The following MAPK10 variants were observed in gnomAD, a reference collection of about 807,000 sequenced individuals.
MAPK10 encodes the protein mitogen-activated protein kinase 10, also known as JNK3 alpha protein kinase.
A neutral mutation model predicts 59.3 loss-of-function variants in MAPK10; 25 were observed. The observed-to-expected ratio is 0.42, with a 90% CI of 0.31 to 0.59. The LOEUF (loss-of-function observed/expected upper bound fraction) is 0.59. Among genes scored for constraint, MAPK10 ranks in the 20% least tolerant of loss-of-function variants. MAPK10 has a pLI of 0.15. For missense variants in MAPK10, 351 were observed against 568.9 expected, an observed-to-expected ratio of 0.62 and a Z score of 3.90; for synonymous variants, 190 against 200.5, an observed-to-expected ratio of 0.95 and a Z score of 0.44.
chr4:86,076,259 C>T (rs987372588), intron 9 of MAPK10, among the ~76,000 whole-genome samples: 4 of 152,134 alleles, frequency 2.6e-5, no homozygotes, highest in African/African-American at 4.8e-5. Flanking sequence ...GGCTCGCGCA[C>T]GGTGCGCGCA....
intron 2 of MAPK10, among the ~76,000 whole-genome samples, chr4:86,302,466 T>A (rs1026134452): frequency 6.6e-6 from 1 of 152,180 alleles, no homozygotes; most frequent in Non-Finnish European, 1.5e-5. Context: ...TGAAGTCAAC[T>A]GGCGAAGCGA....
At chr4:86,448,587 T>C (rs1750329325) in intron 1 of MAPK10, among the ~76,000 whole-genome samples, 1 of 152,102 alleles carries the variant, frequency 6.6e-6, no homozygotes, top group Non-Finnish European at 1.5e-5. Flanking sequence ...TCCTAGGTAT[T>C]TCATGTTTTA....
chr4:86,464,444 A>G (rs1564909093), intron 1 of MAPK10, among the ~76,000 whole-genome samples: 1 of 152,230 alleles, frequency 6.6e-6, no homozygotes, highest in Non-Finnish European at 1.5e-5. Context: ...CACACAATTA[A>G]TTGAAAATGC....
chr4:86,314,313 C>T (rs182726572), intron 2 of MAPK10, among the ~76,000 whole-genome samples: 20 of 152,212 alleles, frequency 1.3e-4, no homozygotes, highest in Non-Finnish European at 8.8e-5. Flanking sequence ...GAATTATACA[C>T]CCATAATTCC....
chr4:86,550,345 T>C (rs1377670652), intron 1 of MAPK10, among the ~76,000 whole-genome samples: 1 of 124,468 alleles, frequency 8.0e-6, no homozygotes, highest in African/African-American at 3.3e-5. Flanking sequence ...AGCATTATAT[T>C]AATCAGAAGG....
chr4:86,191,553 C>CTTTTTTTTT lies in MAPK10; in HGVS notation c.66+2774_66+2782dup, dbSNP rs35357476. The CTTTTTTTTT allele has an allele frequency of 9.2e-4, 28 of 30,404 alleles. 1 individual carries two copies. Among genetic ancestry groups the CTTTTTTTTT allele is most frequent in the East Asian group, 3.0e-3 (1 of 330 alleles). 1.9% of individuals were successfully genotyped at this position (30,404 alleles called of 1,614,324 possible). A position where few individuals can be genotyped will look rare whatever the true frequency, so the allele number is the denominator to read the frequency against. ...TCAGAGACTAGGATTACAACCCGTG[C>CTTTTTTTTT]TTTTTTTTTTTTTTTTTTTTTTTTT... On this transcript the variant is annotated intron_variant, in intron 3 of 13. Transcript: ENST00000641462.
chr4:86,036,489 C>T (rs1578924094), intron 11 of MAPK10, among the ~76,000 whole-genome samples: 1 of 151,010 alleles, frequency 6.6e-6, no homozygotes, highest in East Asian at 1.9e-4. Context: ...TCTGAGAAAC[C>T]ACCATATGTT....
intron 2 of MAPK10, among the ~76,000 whole-genome samples, chr4:86,259,889 T>A (rs2093916877): frequency 1.3e-5 from 2 of 152,100 alleles, no homozygotes; most frequent in Admixed American, 1.3e-4. Flanking sequence ...GAGGAAGTGA[T>A]ACATGGGCAA....
chr4:86,152,821 G>T (rs2066815335), intron 4 of MAPK10, among the ~76,000 whole-genome samples: 1 of 152,100 alleles, frequency 6.6e-6, no homozygotes, highest in East Asian at 1.9e-4. Flanking sequence ...GGAATGCACA[G>T]GTCTCTTAGA....
At chr4:86,095,695 G>T (rs926438621) in intron 9 of MAPK10, 1 of 151,738 alleles carries the variant, frequency 6.6e-6, no homozygotes. Flanking sequence ...TTATCTGACT[G>T]CTCAGTTGTT....
intron 2 of MAPK10, among the ~76,000 whole-genome samples, chr4:86,324,866 C>T (rs2095985810): frequency 6.6e-6 from 1 of 152,136 alleles, no homozygotes; most frequent in African/African-American, 2.4e-5. Context: ...CACATAGACA[C>T]ATATACACAT....
At position 86,255,593 on chromosome 4, in the gene MAPK10, A is replaced by C. The variant is rs2093671082; in HGVS notation, c.-6-61186T>G. Among the ~76,000 whole-genome samples the C allele has an allele frequency of 2.0e-5, 3 of 152,162 alleles. 1 individual carries two copies. The East Asian group carries it at 5.8e-4, about 29-fold the overall frequency. On this transcript the variant is annotated intron_variant, in intron 2 of 13. Transcript: ENST00000641462. Reference sequence around the variant, plus strand: ...AACTCAAAGTACAATCTTATTTTGAATGTTAAATGTGGTATCTATATTGAA... The same window carrying C: ...AACTCAAAGTACAATCTTATTTTGACTGTTAAATGTGGTATCTATATTGAA...
At chr4:86,491,796 T>G (rs186137299) in intron 1 of MAPK10, among the ~76,000 whole-genome samples, 1 of 152,360 alleles carries the variant, frequency 6.6e-6, no homozygotes, top group East Asian at 1.9e-4. Context: ...TTCAAGCATA[T>G]ACAAGTATTT....
intron 2 of MAPK10, among the ~76,000 whole-genome samples, chr4:86,212,952 C>T (rs559510259): frequency 2.0e-5 from 3 of 152,238 alleles, no homozygotes; most frequent in African/African-American, 7.2e-5. Context: ...GCACATGGGA[C>T]ATATTCCAGA....
chr4:86,467,478 A>G (rs1752304408), intron 1 of MAPK10, among the ~76,000 whole-genome samples: 1 of 152,096 alleles, frequency 6.6e-6, no homozygotes, highest in Non-Finnish European at 1.5e-5. Context: ...ACAATGTTGT[A>G]TTTACCTGAG....
intron 3 of MAPK10, among the ~76,000 whole-genome samples, chr4:86,164,985 T>A (rs1383007122): frequency 1.3e-5 from 2 of 152,196 alleles, no homozygotes; most frequent in Non-Finnish European, 2.9e-5. Context: ...TTCTACTCAT[T>A]TGTTAAATAT....
intron 1 of MAPK10, among the ~76,000 whole-genome samples, chr4:86,380,859 T>TA (rs35581530): frequency 0.2 from 27,870 of 137,042 alleles, 2,930 homozygotes; most frequent in East Asian, 0.27. Context: ...TGGAAAGCAT[T>TA]AAAAAAAAAA....
At chr4:86,381,022 G>A (rs1425852641) in intron 1 of MAPK10, among the ~76,000 whole-genome samples, 1 of 152,168 alleles carries the variant, frequency 6.6e-6, no homozygotes, top group Non-Finnish European at 1.5e-5. Context: ...CTAGACTCTA[G>A]AGTCAGGAGC....
chr4:86,176,460 T>C (rs2075702627), intron 3 of MAPK10, among the ~76,000 whole-genome samples: 1 of 152,144 alleles, frequency 6.6e-6, no homozygotes, highest in Non-Finnish European at 1.5e-5. Flanking sequence ...GTTAAACCAA[T>C]TCAAAAAGAA....
Sources: allele counts gnomAD v4.1 joint callset (sites outside exome capture counted in the v4.1 genomes callset), GRCh38; gene constraint gnomAD v4.1.1; transcripts MANE v1.5; gene names NCBI Gene and HGNC (gene_info 2026-07-23, HGNC 2026-07-21).